The following DPYSL3 variants were observed in gnomAD, a reference collection of about 807,000 sequenced individuals.
DPYSL3 encodes dihydropyrimidinase like 3.
In DPYSL3, 16 loss-of-function variants were observed where a neutral mutation model predicts 66.1. The ratio of observed to expected loss-of-function variants is 0.24; its 90% CI spans 0.16 to 0.37. The LOEUF is 0.37. DPYSL3 is among the 10% of genes least tolerant of loss of function. The probability of loss-of-function intolerance (pLI) is 1.00; values close to 1 mark genes in which losing one functional copy is unlikely to be tolerated. For missense variants in DPYSL3, 738 were observed against 916.2 expected (o/e 0.81, Z 2.51); for synonymous variants, 338 against 345.1 (o/e 0.98, Z 0.23).
intron 11 of DPYSL3, 44 bp from the exon 12 acceptor site, chr5:147,397,889 A>C: frequency 6.5e-7 from 1 of 1,528,562 alleles, no homozygotes; most frequent in East Asian, 2.3e-5. Context: ...AGGGTAGAGA[A>C]AGAGGAACGT....
At chr5:147,417,069 T>C (rs1298072637) in intron 3 of DPYSL3, among the ~76,000 whole-genome samples, 1 of 152,218 alleles carries the variant, frequency 6.6e-6, no homozygotes, top group East Asian at 1.9e-4. Context: ...TTATTTTCTT[T>C]TTGCATCTCT....
In DPYSL3 at chr5:147,405,637, C is replaced by G. The variant is rs772484841; in HGVS notation, c.1126G>C (p.Asp376His). Residue 376 changes from aspartate (D) to histidine (H), a missense_variant, in exon 8 of 14, where the codon GAC becomes CAC. Physicochemically the swap from Asp to His is moderately conservative, Grantham distance 81. Transcript: ENST00000343218. ...VTKVMSKSAA[D>H]LISQARKKGN... ...TTTTTCCTGGCTTGTGAGATGAGGT[C>G]AGCTGCACTCTTGCTCATGACCTTT... 1 of 1,613,538 alleles carries G rather than the reference C, an allele frequency of 6.2e-7. No homozygotes were observed. Among genetic ancestry groups the G allele is most frequent in the East Asian group, 2.2e-5 (1 of 44,870 alleles).
chr5:147,470,965 T>G (rs1190933759), intron 1 of DPYSL3, among the ~76,000 whole-genome samples: 1 of 152,188 alleles, frequency 6.6e-6, no homozygotes, highest in East Asian at 1.9e-4. Context: ...TTGGACTCCT[T>G]GAGGATGGGT....
chr5:147,442,848 A>AG (rs111475734), intron 1 of DPYSL3, among the ~76,000 whole-genome samples: 7,589 of 152,106 alleles, frequency 0.05, 619 homozygotes, highest in African/African-American at 0.17. Flanking sequence ...TATAGTCAAA[A>AG]AAAAAAATCT....
chr5:147,463,741 G>A (rs1752969006), intron 1 of DPYSL3, among the ~76,000 whole-genome samples: 1 of 152,242 alleles, frequency 6.6e-6, no homozygotes, highest in Non-Finnish European at 1.5e-5. Context: ...TACTGGTGCT[G>A]TCAAATGTCC....
At chr5:147,424,793 T>C in intron 2 of DPYSL3, 82 bp downstream of exon 2, 2 of 1,101,792 alleles carry the variant, frequency 1.8e-6, no homozygotes, top group Non-Finnish European at 2.6e-6. Flanking sequence ...TTTCACTACA[T>C]TCATGTAATC....
rs139893905 is a variant in DPYSL3, at chr5:147,421,131, A to C, written c.471-2500T>G. 1.3e-3 allele frequency among the ~76,000 whole-genome samples: 205 copies of C among 152,342 alleles called. 1 individual carries two copies. Among genetic ancestry groups the C allele is most frequent in the African/African-American group, 4.7e-3 (197 of 41,564 alleles). Reference sequence around the variant, plus strand: ...TTAGAAAACCCCATCATCTCAGCCCAAAAACTCCTTAAGCTGATAAGCAAC... The same window carrying C: ...TTAGAAAACCCCATCATCTCAGCCCCAAAACTCCTTAAGCTGATAAGCAAC... On this transcript the variant is annotated intron_variant, in intron 2 of 13. Coordinates refer to ENST00000343218, the MANE Select transcript of DPYSL3 (RefSeq NM_001197294.2).
chr5:147,415,685 G>A, intron 4 of DPYSL3, 24 bp downstream of exon 4: 1 of 1,608,886 alleles, frequency 6.2e-7, no homozygotes. Context: ...AAGAGAGGAG[G>A]GAGGACGGCA....
chr5:147,508,360 TG>T (rs2126467030), intron 1 of DPYSL3, among the ~76,000 whole-genome samples: 1 of 152,362 alleles, frequency 6.6e-6, no homozygotes, highest in South Asian at 2.1e-4. Flanking sequence ...AACTAAAACC[TG>T]AATAAGCATT....
At chr5:147,502,571 C>CTTT (rs71001435) in intron 1 of DPYSL3, among the ~76,000 whole-genome samples, 179 of 95,200 alleles carry the variant, frequency 1.9e-3, no homozygotes, top group East Asian at 0.012. Flanking sequence ...CTTAATAATG[C>CTTT]TTTTTTTTTT....
intron 3 of DPYSL3, among the ~76,000 whole-genome samples, chr5:147,417,525 T>G (rs2152022120): frequency 6.6e-6 from 1 of 152,248 alleles, no homozygotes; most frequent in African/African-American, 2.4e-5. Context: ...TAAAAGACAG[T>G]GAATAATTCT....
chr5:147,418,466 T>C lies in DPYSL3; in HGVS notation c.636A>G (p.Ala212=), dbSNP rs1169000689. The change falls in exon 3 of 14, where the codon GCA becomes GCG. Residue 212 remains alanine, a synonymous_variant. Transcript: ENST00000343218. ...ACTTACTGATCATGGTGGTGCCACC[T>C]GCTAAGGCCGCCTTTGTCCCTTGGA... ...DFFQGTKAAL[A]GGTTMIIDHV... is the part of the protein sequence containing the mutation. 1 of 1,610,098 alleles carries C rather than the reference T, an allele frequency of 6.2e-7. No homozygotes were observed. The highest frequency in any genetic ancestry group is 8.5e-7 in the Non-Finnish European group (1 of 1,178,100).
intron 1 of DPYSL3, among the ~76,000 whole-genome samples, chr5:147,439,019 A>T (rs1752470485): frequency 6.6e-6 from 1 of 152,198 alleles, no homozygotes; most frequent in South Asian, 2.1e-4. Flanking sequence ...CAGCCTTTTG[A>T]TAACCCTGTT....
At chr5:147,425,427 G>A (rs973259387) in intron 1 of DPYSL3, among the ~76,000 whole-genome samples, 5 of 152,160 alleles carry the variant, frequency 3.3e-5, no homozygotes, top group Admixed American at 3.3e-4. Flanking sequence ...GCAATTACAC[G>A]AGGGCATGCT....
intron 1 of DPYSL3, among the ~76,000 whole-genome samples, chr5:147,490,434 A>C (rs1005561542): frequency 1.3e-5 from 2 of 152,252 alleles, no homozygotes; most frequent in African/African-American, 2.4e-5. Context: ...GAAATGTATA[A>C]TTAAATATGT....
chr5:147,477,562 T>A, intron 1 of DPYSL3, among the ~76,000 whole-genome samples: 1 of 2,854 alleles, frequency 3.5e-4, no homozygotes, highest in Non-Finnish European at 1.1e-3. Context: ...CACCTAAATC[T>A]TTTTTTTTTT....
chr5:147,488,542 C>T (rs147918386), intron 1 of DPYSL3, among the ~76,000 whole-genome samples: 67 of 151,382 alleles, frequency 4.4e-4, no homozygotes, highest in African/African-American at 1.6e-3. Flanking sequence ...CATAGGGAAA[C>T]CCCATCTCTA....
chr5:147,440,787 C>G (rs1370731362), intron 1 of DPYSL3, among the ~76,000 whole-genome samples: 2 of 152,118 alleles, frequency 1.3e-5, no homozygotes, highest in Non-Finnish European at 2.9e-5. Flanking sequence ...CATTAAATAA[C>G]TTGATAAGTA....
At chr5:147,410,679 C>T (rs1001523741) in intron 6 of DPYSL3, among the ~76,000 whole-genome samples, 2 of 152,136 alleles carry the variant, frequency 1.3e-5, no homozygotes, top group African/African-American at 4.8e-5. Flanking sequence ...GACTGTTTTG[C>T]CAACTTGAAA....
Sources: gnomAD v4.1 joint callset for allele counts (sites outside exome capture counted in the v4.1 genomes callset) on GRCh38, gnomAD v4.1.1 for gene constraint, MANE v1.5 for transcripts, NCBI Gene and HGNC (gene_info 2026-07-23, HGNC 2026-07-21) for gene names.